Variants in MED16 observed in about 807,000 individuals in gnomAD.
The protein encoded by MED16 is mediator complex subunit 16, also known as mediator of RNA polymerase II transcription subunit 16.
Under a neutral mutation model 84.4 loss-of-function variants are expected in MED16, and 81 were observed. The observed-to-expected ratio is 0.96, with a 90% confidence interval of 0.80 to 1.15. The LOEUF (loss-of-function observed/expected upper bound fraction) is 1.15. Ranked by LOEUF, MED16 falls within the 50% of genes most tolerant of loss-of-function variation. MED16 has a pLI of 0.00. For synonymous variants in MED16, 897 were observed against 552.2 expected (o/e 1.62, Z -8.76); for missense variants, 1,585 against 1,245.9 (o/e 1.27, Z -4.10).
intron 4 of MED16, among the ~76,000 whole-genome samples, chr19:888,349 C>T (rs571696626): frequency 3.9e-5 from 6 of 151,962 alleles, no homozygotes; most frequent in African/African-American, 9.7e-5. Context: ...TGGTGAAACC[C>T]CGTCTCTACT....
intron 5 of MED16, 42 bp from the exon 6 acceptor site, chr19:885,050 T>A (rs192978124): frequency 4.7e-6 from 7 of 1,479,250 alleles, no homozygotes; most frequent in Non-Finnish European, 5.5e-6. Context: ...GGCACTGCTG[T>A]GGTGGCCACG....
Position 889,812 on chromosome 19 carries a change from G to A in MED16, c.278-5C>T, listed in dbSNP as rs746029552. 1 of 1,607,760 alleles carries A rather than the reference G, an allele frequency of 6.2e-7. No individual in the cohort carries two copies. The highest frequency in any genetic ancestry group is 1.3e-5 in the African/African-American group (1 of 74,950). On this transcript the variant is annotated splice_polypyrimidine_tract_variant and splice_region_variant and intron_variant, in intron 3 of 15. Transcript: ENST00000325464. ...CTGCTGACAGGAGCCGGGAGCCTGA[G>A]GGCAAGAAGCCATCATTGCGAACCT... is the stretch of plus-strand genomic sequence containing the variant.
intron 10 of MED16, among the ~76,000 whole-genome samples, chr19:874,541 C>T (rs1182560370): frequency 6.6e-6 from 1 of 152,210 alleles, no homozygotes; most frequent in Non-Finnish European, 1.5e-5. Flanking sequence ...GCCTTTCTGC[C>T]TCAGTCCCCT....
intron 3 of MED16, 36 bp downstream of exon 3, chr19:890,101 G>A: frequency 6.8e-7 from 1 of 1,479,714 alleles, no homozygotes; most frequent in Non-Finnish European, 9.2e-7. Flanking sequence ...CGGGATCCGG[G>A]TCGCCACCCC....
chr19:881,264 C>T (rs1486273191), intron 7 of MED16, among the ~76,000 whole-genome samples: 1 of 152,198 alleles, frequency 6.6e-6, no homozygotes, highest in African/African-American at 2.4e-5. Flanking sequence ...ATGCCGCCTA[C>T]CCAGGAAGGA....
In MED16 at chr19:875,401, G is replaced by C; in HGVS notation, c.1614C>G (p.Pro538=). 1.2e-6 allele frequency: 2 copies of C among 1,607,820 alleles called. No individual in the cohort carries two copies. The highest frequency in any genetic ancestry group is 1.1e-5 in the South Asian group (1 of 91,060). The change falls in exon 10 of 16, where the codon CCC becomes CCG. Residue 538 remains proline (P), a synonymous_variant. Transcript: ENST00000325464. ...AMKASLCKLS[P]CTVTRVCDYH... Reference sequence around the variant, plus strand: ...AGTCGCACACGCGGGTCACCGTGCAGGGCGACAGCTTGCAGAGCGAGGCCT... The same window carrying C: ...AGTCGCACACGCGGGTCACCGTGCACGGCGACAGCTTGCAGAGCGAGGCCT...
intron 5 of MED16, 131 bp from the exon 6 acceptor site, chr19:885,139 G>A: frequency 3.0e-6 from 2 of 663,970 alleles, no homozygotes; most frequent in Non-Finnish European, 5.2e-6. Context: ...CTGCCCCTCG[G>A]GCCCTCCTGG....
At chr19:873,645 A>T in intron 10 of MED16, 63 bp from the exon 11 acceptor site, 1 of 1,589,248 alleles carries the variant, frequency 6.3e-7, no homozygotes, top group Non-Finnish European at 8.6e-7. Context: ...ACCTAACTGC[A>T]CCCCTCGGTC....
At chr19:871,458 C>T (rs1048638039) in intron 12 of MED16, 25 of 1,413,602 alleles carry the variant, frequency 1.8e-5, no homozygotes, top group African/African-American at 7.1e-5. Flanking sequence ...GTTCTCTCCC[C>T]GTCTCTGGCC....
chr19:888,910 C>T (rs776798544), intron 4 of MED16, among the ~76,000 whole-genome samples: 18 of 152,140 alleles, frequency 1.2e-4, no homozygotes, highest in Admixed American at 2.6e-4. Flanking sequence ...CACAGAGGCA[C>T]GAAGCTGGGG....
intron 10 of MED16, among the ~76,000 whole-genome samples, chr19:874,118 T>TA (rs2036170306): frequency 6.6e-6 from 1 of 151,448 alleles, no homozygotes; most frequent in Non-Finnish European, 1.5e-5. Context: ...ACGATAACCC[T>TA]AAATTTTTTT....
intron 11 of MED16, 32 bp from the exon 12 acceptor site, chr19:872,150 C>T (rs369580975): frequency 7.8e-5 from 118 of 1,512,568 alleles, no homozygotes; most frequent in East Asian, 1.5e-4. Context: ...GTGGCTGGGG[C>T]GGCGGGGGGC....
At chr19:870,678 G>A (rs1324270022) in intron 13 of MED16, among the ~76,000 whole-genome samples, 5 of 151,920 alleles carry the variant, frequency 3.3e-5, no homozygotes, top group Non-Finnish European at 5.9e-5. Flanking sequence ...GGGGCACCTA[G>A]AAGGAAGCAG....
chr19:876,012 A>C (rs1391731901), intron 9 of MED16, among the ~76,000 whole-genome samples: 1 of 152,246 alleles, frequency 6.6e-6, no homozygotes, highest in African/African-American at 2.4e-5. Flanking sequence ...CCAAGGAGGG[A>C]GAGGGCGAGG....
intron 10 of MED16, among the ~76,000 whole-genome samples, chr19:873,856 C>G (rs986208250): frequency 1.3e-5 from 2 of 152,154 alleles, no homozygotes; most frequent in Admixed American, 6.5e-5. Context: ...ATGCCAGGGC[C>G]ACCAGTGCTC....
intron 9 of MED16, among the ~76,000 whole-genome samples, chr19:876,185 G>A (rs2036224588): frequency 1.3e-5 from 2 of 152,138 alleles, no homozygotes; most frequent in African/African-American, 4.8e-5. Context: ...TGGCACAGAG[G>A]AAAACAAGTG....
At chr19:869,286 C>G (rs1012630300) in intron 13 of MED16, among the ~76,000 whole-genome samples, 1 of 152,130 alleles carries the variant, frequency 6.6e-6, no homozygotes, top group Admixed American at 6.5e-5. Context: ...GTGCTTGTGA[C>G]GCTCCCATTT....
chr19:878,193 T>G (rs903863884), intron 8 of MED16, among the ~76,000 whole-genome samples: 1 of 120,592 alleles, frequency 8.3e-6, no homozygotes, highest in Non-Finnish European at 1.7e-5. Context: ...CAGCCCCACG[T>G]GCCCCAGCAG....
At chr19:871,777 G>A (rs1194082709) in intron 12 of MED16, 149 bp downstream of exon 12, 23 of 474,582 alleles carry the variant, frequency 4.8e-5, no homozygotes, top group South Asian at 2.7e-4. Context: ...CGGGGAGAGG[G>A]GAGAGGGGAG....
Sources: gnomAD v4.1 joint callset for allele counts (sites outside exome capture counted in the v4.1 genomes callset) on GRCh38, gnomAD v4.1.1 for gene constraint, MANE v1.5 for transcripts, NCBI Gene and HGNC (gene_info 2026-07-23, HGNC 2026-07-21) for gene names.